The following SRRM4 variants were observed in gnomAD, a reference collection of about 807,000 sequenced individuals.
SRRM4 encodes the protein serine/arginine repetitive matrix protein 4.
A neutral mutation model predicts 68.9 loss-of-function variants in SRRM4; 33 were observed. The observed-to-expected ratio is 0.48, with a 90% CI of 0.36 to 0.64. The LOEUF is 0.64. Among genes scored for constraint, SRRM4 ranks in the 30% least tolerant of loss-of-function variants. The pLI is 0.00. For synonymous variants in SRRM4, 318 were observed against 318.8 expected (o/e 1.00, Z 0.03); for missense variants, 817 against 827.1 (o/e 0.99, Z 0.15).
intron 10 of SRRM4, among the ~76,000 whole-genome samples, chr12:119,152,713 T>C (rs1954447453): frequency 1.3e-5 from 2 of 152,196 alleles, no homozygotes; most frequent in Non-Finnish European, 2.9e-5. Flanking sequence ...AGCCAAAGCA[T>C]AAGTTGGCAA....
chr12:119,024,319 G>A (rs1345731617), intron 1 of SRRM4, among the ~76,000 whole-genome samples: 3 of 152,154 alleles, frequency 2.0e-5, no homozygotes, highest in African/African-American at 7.2e-5. Context: ...CCTCACCCAA[G>A]CTCACTGCTA....
chr12:119,154,508 G>T lies in SRRM4; in HGVS notation c.1532+125G>T. On this transcript the variant is annotated intron_variant, in intron 12 of 12. Coordinates refer to ENST00000267260, the MANE Select transcript of SRRM4 (RefSeq NM_194286.4). The surrounding 1 kb of genome is among the most constrained non-coding windows in gnomAD (Gnocchi z 4.7). ...GGATTTAGGATTGTGCGAGCTTATG[G>T]TCCCCCCAACCCCAACATCATTGAA... 9.1e-7 allele frequency: 1 copy of T among 1,097,880 alleles called. No individual in the cohort carries two copies. The allele number at this position is 1,097,880 out of a possible 1,614,324, so 68.0% of individuals were successfully genotyped here.
intron 11 of SRRM4, among the ~76,000 whole-genome samples, chr12:119,153,985 A>G (rs912757409): frequency 6.6e-6 from 1 of 151,606 alleles, no homozygotes; most frequent in Admixed American, 6.6e-5. Context: ...CCCCTGCAGC[A>G]CCTGCCCTGC....
At position 119,110,108 on chromosome 12, in the gene SRRM4, CT is replaced by C. The variant is rs200354197; in HGVS notation, c.279-4169del. Among the ~76,000 whole-genome samples the C allele has an allele frequency of 6.7e-3, 1,023 of 152,310 alleles. 11 individuals are homozygous for C. Among genetic ancestry groups the C allele is most frequent in the African/African-American group, 0.023 (950 of 41,566 alleles). On this transcript the variant is annotated intron_variant, in intron 2 of 12. Transcript: ENST00000267260. The stretch of plus-strand genomic sequence containing the variant: ...GAGGTCCACTCCAGACACTGTTTGC[CT>C]GGGTATCACCAGCGGAGGCTGCAGA...
At chr12:119,149,115 C>T (rs1954422156) in intron 9 of SRRM4, among the ~76,000 whole-genome samples, 1 of 152,096 alleles carries the variant, frequency 6.6e-6, no homozygotes, top group Non-Finnish European at 1.5e-5. Context: ...TTTGGGAGGC[C>T]AAGGCAGGTG....
At chr12:119,102,577 C>T (rs538784952) in intron 2 of SRRM4, among the ~76,000 whole-genome samples, 195 bp downstream of exon 2, 1 of 152,200 alleles carries the variant, frequency 6.6e-6, no homozygotes, top group African/African-American at 2.4e-5. Flanking sequence ...AACTACTCAA[C>T]TCAGCCATTG....
At chr12:119,062,615 C>G (rs1953821425) in intron 1 of SRRM4, among the ~76,000 whole-genome samples, 1 of 152,178 alleles carries the variant, frequency 6.6e-6, no homozygotes, top group Non-Finnish European at 1.5e-5. Flanking sequence ...ACAAGTTAAA[C>G]CTTTAAACTG....
rs537228933 is a variant in SRRM4, at chr12:119,013,460, G to A, written c.131+31447G>A. Among the ~76,000 whole-genome samples, 38 of 152,278 alleles carry A rather than the reference G, an allele frequency of 2.5e-4. No homozygotes were observed. In the East Asian group the frequency reaches 3.9e-3, roughly 15 times the overall value. On this transcript the variant is annotated intron_variant, in intron 1 of 12. Transcript: ENST00000267260. The stretch of plus-strand genomic sequence containing the variant: ...TACACATGACAATGGTTTATAAAAA[G>A]TACTGCAGAAGTATTAAAAAACCCC...
chr12:119,131,980 G>A (rs188341954), intron 8 of SRRM4, among the ~76,000 whole-genome samples: 109 of 152,286 alleles, frequency 7.2e-4, no homozygotes, highest in Admixed American at 3.0e-3. Context: ...CAATGACAAC[G>A]GTTGGGCCTG....
At chr12:119,105,498 T>C (rs578069654) in intron 2 of SRRM4, among the ~76,000 whole-genome samples, 1 of 152,354 alleles carries the variant, frequency 6.6e-6, no homozygotes, top group South Asian at 2.1e-4. Context: ...CCTGACTTCT[T>C]AATGATCGCC....
chr12:119,105,154 CT>C (rs1954099226), intron 2 of SRRM4, among the ~76,000 whole-genome samples: 1 of 151,900 alleles, frequency 6.6e-6, no homozygotes. Context: ...TGAACTCATC[CT>C]TTTTCATGGC....
At chr12:119,098,976 A>C (rs1954061364) in intron 1 of SRRM4, among the ~76,000 whole-genome samples, 1 of 152,024 alleles carries the variant, frequency 6.6e-6, no homozygotes, top group South Asian at 2.1e-4. Flanking sequence ...CAATCACTAG[A>C]GTGATCGTTC....
At chr12:119,145,748 T>C in intron 9 of SRRM4, 63 bp downstream of exon 9, 2 of 1,347,350 alleles carry the variant, frequency 1.5e-6, no homozygotes, top group South Asian at 1.9e-5. Flanking sequence ...CTTCTCATGC[T>C]CTCATCCCAG....
At chr12:119,109,148 C>T (rs555255560) in intron 2 of SRRM4, among the ~76,000 whole-genome samples, 11,701 of 151,996 alleles carry the variant, frequency 0.077, 503 homozygotes, top group Admixed American at 0.1. Flanking sequence ...TGAATATTGG[C>T]CCCCACCCTC....
chr12:119,035,395 C>T (rs1160068434), intron 1 of SRRM4, among the ~76,000 whole-genome samples: 1 of 152,084 alleles, frequency 6.6e-6, no homozygotes, highest in African/African-American at 2.4e-5. Flanking sequence ...CCACTTTTTC[C>T]TTGAACTTAG....
intron 3 of SRRM4, 82 bp downstream of exon 3, chr12:119,114,446 C>T: frequency 2.6e-6 from 3 of 1,153,794 alleles, no homozygotes; most frequent in Non-Finnish European, 3.8e-6. Context: ...CAGTGGCTCC[C>T]TCTTGGGTTC....
At chr12:119,099,191 G>C (rs1954062912) in intron 1 of SRRM4, among the ~76,000 whole-genome samples, 1 of 152,138 alleles carries the variant, frequency 6.6e-6, no homozygotes, top group Admixed American at 6.5e-5. Flanking sequence ...CTGGAGTGCA[G>C]TGGCATGATC....
chr12:119,141,486 G>T (rs751497122), intron 8 of SRRM4, among the ~76,000 whole-genome samples: 2 of 152,068 alleles, frequency 1.3e-5, no homozygotes, highest in African/African-American at 2.4e-5. Context: ...CTTCAGCCAG[G>T]GGTCTCCAAG....
At chr12:119,064,430 T>G (rs1223564969) in intron 1 of SRRM4, among the ~76,000 whole-genome samples, 1 of 152,218 alleles carries the variant, frequency 6.6e-6, no homozygotes, top group Non-Finnish European at 1.5e-5. Flanking sequence ...TAATTTTTTT[T>G]AGTGATGGCA....
Sources: allele counts gnomAD v4.1 joint callset (sites outside exome capture counted in the v4.1 genomes callset), GRCh38; gene constraint gnomAD v4.1.1; non-coding constraint Gnocchi (gnomAD v3.1); transcripts MANE v1.5; gene names NCBI Gene and HGNC (gene_info 2026-07-23, HGNC 2026-07-21).